PTPRN2: variants seen among roughly 807,000 people sequenced by gnomAD.
PTPRN2 encodes receptor-type tyrosine-protein phosphatase N2.
In PTPRN2, 74 loss-of-function variants were observed where a neutral mutation model predicts 118.8. That is an observed-to-expected ratio of 0.62 (90% CI 0.52 to 0.76). The LOEUF (loss-of-function observed/expected upper bound fraction) is 0.76. Among genes scored for constraint, PTPRN2 ranks in the 30% least tolerant of loss-of-function variants. The probability of loss-of-function intolerance (pLI) is 0.00; values close to 1 mark genes in which losing one functional copy is unlikely to be tolerated. For missense variants in PTPRN2, 1,481 were observed against 1,394.4 expected (o/e 1.06, Z -0.99); for synonymous variants, 641 against 608.0 (o/e 1.05, Z -0.80).
chr7:157,816,835 G>C (rs1027418037), intron 12 of PTPRN2, among the ~76,000 whole-genome samples: 4 of 152,172 alleles, frequency 2.6e-5, no homozygotes, highest in African/African-American at 7.2e-5. Flanking sequence ...ATGTGGATTC[G>C]CACAGACCCT....
intron 11 of PTPRN2, among the ~76,000 whole-genome samples, chr7:157,958,330 A>G (rs1043873586): frequency 1.3e-5 from 2 of 152,220 alleles, no homozygotes; most frequent in African/African-American, 4.8e-5. Flanking sequence ...TTCCTTTAAG[A>G]CTAGGAACAA....
chr7:158,086,396 G>A (rs552342044), intron 10 of PTPRN2, among the ~76,000 whole-genome samples: 1 of 152,176 alleles, frequency 6.6e-6, no homozygotes, highest in African/African-American at 2.4e-5. Flanking sequence ...AGCCACAAAG[G>A]GGGAATGGTC....
intron 8 of PTPRN2, 53 bp from the exon 9 acceptor site, chr7:158,134,112 A>G: frequency 2.6e-6 from 4 of 1,565,036 alleles, no homozygotes; most frequent in Non-Finnish European, 3.5e-6. Flanking sequence ...TGCTGATGTG[A>G]CACATGCAAT....
At chr7:157,636,958 C>A (rs763080258) in intron 14 of PTPRN2, among the ~76,000 whole-genome samples, 3 of 152,032 alleles carry the variant, frequency 2.0e-5, no homozygotes, top group Non-Finnish European at 2.9e-5. Context: ...GAAGAGAAAT[C>A]GGAATATTAT....
intron 13 of PTPRN2, among the ~76,000 whole-genome samples, chr7:157,665,314 T>C (rs1796082661): frequency 6.6e-6 from 1 of 152,232 alleles, no homozygotes; most frequent in Admixed American, 6.5e-5. Flanking sequence ...GACCTTGAGT[T>C]TGTAAGGATG....
At chr7:158,194,920 CATGAATTCT>C (rs2150715148) in intron 4 of PTPRN2, among the ~76,000 whole-genome samples, 1 of 152,302 alleles carries the variant, frequency 6.6e-6, no homozygotes, top group East Asian at 1.9e-4. Context: ...GCGGTGTTGA[CATGAATTCT>C]GTTGACAGCT....
rs1340236834 is a variant in PTPRN2 at position 157,560,719 on chromosome 7, C to A, written c.2902+8183G>T. ...GCAGACAGGCTCCCTCTCCCCTTCC[C>A]TCCTCCCACCTCACCCAATTCTGGG... On this transcript the variant is annotated intron_variant, in intron 21 of 22. Coordinates refer to ENST00000389418, the MANE Select transcript of PTPRN2 (RefSeq NM_002847.5). The surrounding 1 kb of genome is among the most constrained non-coding windows in gnomAD (Gnocchi z 6.7). Among the ~76,000 whole-genome samples, 1 of 152,210 alleles carries A rather than the reference C, an allele frequency of 6.6e-6. No homozygotes were observed. Among genetic ancestry groups the A allele is most frequent in the Non-Finnish European group, 1.5e-5 (1 of 68,034 alleles).
At chr7:158,163,657 T>C (rs1343281442) in intron 6 of PTPRN2, among the ~76,000 whole-genome samples, 117 of 61,452 alleles carry the variant, frequency 1.9e-3, no homozygotes, top group East Asian at 6.5e-3. Flanking sequence ...GACGCCCGTA[T>C]GAAGTTCTCA....
At chr7:157,709,513 C>T (rs1025039968) in intron 12 of PTPRN2, among the ~76,000 whole-genome samples, 4 of 152,122 alleles carry the variant, frequency 2.6e-5, no homozygotes, top group South Asian at 4.1e-4. Flanking sequence ...ACACAGAGGC[C>T]GGGGACCCTC....
rs1312569979 is a variant in PTPRN2, at chr7:157,585,813, A to G, written c.2497-7673T>C. 6.6e-6 allele frequency among the ~76,000 whole-genome samples: 1 copy of G among 152,230 alleles called. No homozygotes were observed. The highest frequency in any genetic ancestry group is 6.5e-5 in the Admixed American group (1 of 15,294). ...CTGGGAACCAATCACACACAGGAGC[A>G]GCAGAGCCTGCTGTTCTCAGCTGGA... On this transcript the variant is annotated intron_variant, in intron 17 of 22. Coordinates refer to ENST00000389418, the MANE Select transcript of PTPRN2 (RefSeq NM_002847.5). This position sits in a 1 kb window ranked among gnomAD's most constrained non-coding sequence, Gnocchi z 5.2.
In PTPRN2 at chr7:158,455,861, A is replaced by C. The variant is rs1354163754; in HGVS notation, c.163+33874T>G. Among the ~76,000 whole-genome samples, 122 of 125,586 alleles carry C rather than the reference A, an allele frequency of 9.7e-4. 1 individual carries two copies. The highest frequency in any genetic ancestry group is 5.4e-3 in the South Asian group (18 of 3,348). 82.4% of individuals were successfully genotyped at this position (125,586 alleles called of 152,430 possible). ...CCCATTGCTCTGCAGAGAACATAAC[A>C]GCACGGATGCCATCGGCCATGGCCA... On this transcript the variant is annotated intron_variant, in intron 2 of 22. Transcript: ENST00000389418.
intron 3 of PTPRN2, among the ~76,000 whole-genome samples, chr7:158,245,633 G>A (rs1796196049): frequency 6.6e-6 from 1 of 152,106 alleles, no homozygotes; most frequent in Non-Finnish European, 1.5e-5. Context: ...GGGTTTGTTT[G>A]GGTTGATACA....
In PTPRN2 at chr7:157,974,051, G is replaced by T. The variant is rs1042892616; in HGVS notation, c.1724-75314C>A. ...TGACCACTGCTGTTGACGTTGGCGG[G>T]GTAGCAGGTGTGGCCATAACATGGA... On this transcript the variant is annotated intron_variant, in intron 11 of 22. Coordinates refer to ENST00000389418, the MANE Select transcript of PTPRN2 (RefSeq NM_002847.5). This position sits in a 1 kb window ranked among gnomAD's most constrained non-coding sequence, Gnocchi z 4.0. 3.3e-5 allele frequency among the ~76,000 whole-genome samples: 5 copies of T among 152,226 alleles called. No individual in the cohort carries two copies. Among genetic ancestry groups the T allele is most frequent in the African/African-American group, 1.2e-4 (5 of 41,444 alleles).
At chr7:158,326,441 T>C (rs567732251) in intron 2 of PTPRN2, among the ~76,000 whole-genome samples, 2 of 152,230 alleles carry the variant, frequency 1.3e-5, no homozygotes, top group Non-Finnish European at 2.9e-5. Context: ...GGAGAATTAA[T>C]GCACACTTGT....
Position 158,324,145 on chromosome 7 carries a change from G to A in PTPRN2, c.164-7213C>T, listed in dbSNP as rs561033670. Among the ~76,000 whole-genome samples the A allele has an allele frequency of 2.2e-4, 34 of 152,112 alleles. 1 individual carries two copies. In the South Asian group the frequency reaches 3.1e-3, roughly 14 times the overall value. ...TGCACAAACTCACACGCCCACACGC[G>A]TACGCTCACACACAGTCTCCGCATA... On this transcript the variant is annotated intron_variant, in intron 2 of 22. Coordinates refer to ENST00000389418, the MANE Select transcript of PTPRN2 (RefSeq NM_002847.5).
At chr7:158,333,581 G>C (rs1304319052) in intron 2 of PTPRN2, among the ~76,000 whole-genome samples, 3 of 143,092 alleles carry the variant, frequency 2.1e-5, no homozygotes, top group Admixed American at 1.4e-4. Flanking sequence ...GCTGATGCCG[G>C]CACACGTCAC....
intron 12 of PTPRN2, among the ~76,000 whole-genome samples, chr7:157,724,914 T>A (rs1482917621): frequency 6.6e-6 from 1 of 152,232 alleles, no homozygotes; most frequent in Non-Finnish European, 1.5e-5. Flanking sequence ...ATGCATTACA[T>A]GTTAAATGGG....
At chr7:158,553,919 C>A (rs1255427142) in intron 1 of PTPRN2, among the ~76,000 whole-genome samples, 1 of 151,778 alleles carries the variant, frequency 6.6e-6, no homozygotes, top group Non-Finnish European at 1.5e-5. Flanking sequence ...GGAGTCTACA[C>A]CACCCTCCCT....
intron 11 of PTPRN2, among the ~76,000 whole-genome samples, chr7:158,041,571 G>GAGGTTGC (rs1563353836): frequency 1.3e-5 from 2 of 152,302 alleles, no homozygotes; most frequent in East Asian, 3.9e-4. Context: ...CTGGGAGGCA[G>GAGGTTGC]AGGTTGCAGT....
Sources: gnomAD v4.1 joint callset for allele counts (sites outside exome capture counted in the v4.1 genomes callset) on GRCh38, gnomAD v4.1.1 for gene constraint, Gnocchi (gnomAD v3.1) non-coding constraint, MANE v1.5 for transcripts, NCBI Gene and HGNC (gene_info 2026-07-23, HGNC 2026-07-21) for gene names.